Variants in ROBO2 observed in about 807,000 individuals in gnomAD.
The protein encoded by ROBO2 is roundabout homolog 2.
In ROBO2, 53 loss-of-function variants were observed where a neutral mutation model predicts 160.8. The ratio of observed to expected loss-of-function variants is 0.33; its 90% CI spans 0.26 to 0.41. The LOEUF is 0.41. ROBO2 is among the 10% of genes least tolerant of loss of function. The probability of loss-of-function intolerance (pLI) is 1.00; values close to 1 mark genes in which losing one functional copy is unlikely to be tolerated. For synonymous variants in ROBO2, 664 were observed against 611.7 expected, an observed-to-expected ratio of 1.09 and a Z score of -1.26; for missense variants, 1,577 against 1,722.4, an observed-to-expected ratio of 0.92 and a Z score of 1.49.
At position 76,803,217 on chromosome 3, in the gene ROBO2, T is replaced by C. The variant is rs190043701; in HGVS notation, c.110-294797T>C. Among the ~76,000 whole-genome samples the C allele has an allele frequency of 4.5e-4, 69 of 152,280 alleles. No homozygotes were observed. In the East Asian group the frequency reaches 0.012, roughly 27 times the overall value. On this transcript the variant is annotated intron_variant, in intron 2 of 26. Coordinates refer to the ROBO2 transcript ENST00000487694. ...AGTTGTTCATTATTCTGCTTATTTT[T>C]GAGGAATTCAGAGGAGGTCGTTAGG... is the stretch of plus-strand genomic sequence containing the variant.
At chr3:76,842,166 C>T (rs993636688) in intron 2 of ROBO2, among the ~76,000 whole-genome samples, 2 of 152,024 alleles carry the variant, frequency 1.3e-5, no homozygotes, top group African/African-American at 4.8e-5. Flanking sequence ...AGAGAAGGAT[C>T]GAGAAAAAGC....
intron 2 of ROBO2, among the ~76,000 whole-genome samples, chr3:77,208,445 G>T (rs2083696486): frequency 6.6e-6 from 1 of 152,126 alleles, no homozygotes; most frequent in Non-Finnish European, 1.5e-5. Flanking sequence ...AATAGATACA[G>T]TTACACAAGC....
At chr3:76,435,904 C>T (rs991507495) in intron 2 of ROBO2, among the ~76,000 whole-genome samples, 15 of 152,216 alleles carry the variant, frequency 9.9e-5, no homozygotes, top group South Asian at 4.1e-4. Flanking sequence ...TGTTGACAAG[C>T]GAGGCAGGGG....
intron 2 of ROBO2, among the ~76,000 whole-genome samples, chr3:76,792,444 C>T (rs561592205): frequency 9.6e-4 from 146 of 151,712 alleles, no homozygotes; most frequent in African/African-American, 3.1e-3. Flanking sequence ...GGATAGATAA[C>T]GAATACTGTA....
chr3:76,186,319 C>T (rs1248532170), intron 2 of ROBO2, among the ~76,000 whole-genome samples: 3 of 151,878 alleles, frequency 2.0e-5, no homozygotes, highest in Non-Finnish European at 4.4e-5. Context: ...AGAATTAAGC[C>T]GTGTCATAGT....
intron 2 of ROBO2, among the ~76,000 whole-genome samples, chr3:76,015,605 G>A (rs1281463107): frequency 6.6e-6 from 1 of 152,188 alleles, no homozygotes; most frequent in Non-Finnish European, 1.5e-5. Context: ...GTTCTGGTAT[G>A]GGAAGAAGAA....
At chr3:75,983,740 T>G (rs2065340851) in intron 2 of ROBO2, among the ~76,000 whole-genome samples, 1 of 151,264 alleles carries the variant, frequency 6.6e-6, no homozygotes, top group Admixed American at 6.6e-5. Context: ...CATCACAGGG[T>G]AGATATTTTG....
rs9309752 is a variant in ROBO2 at position 76,814,982 on chromosome 3, A to G, written c.110-283032A>G. Among the ~76,000 whole-genome samples the G allele has an allele frequency of 1.3e-3, 198 of 152,190 alleles. 1 individual carries two copies. The highest frequency in any genetic ancestry group is 4.6e-3 in the African/African-American group (191 of 41,570). ...CAATTCATGCATCCAAGGAGCTTAC[A>G]ATCAGGCTTTCCCTTCAGTTATGAT... On this transcript the variant is annotated intron_variant, in intron 2 of 26. Coordinates refer to the ROBO2 transcript ENST00000487694.
intron 1 of ROBO2, among the ~76,000 whole-genome samples, chr3:77,087,558 A>G (rs936663020): frequency 6.6e-6 from 1 of 152,094 alleles, no homozygotes; most frequent in African/African-American, 2.4e-5. Flanking sequence ...TCCTCACTGA[A>G]TTGTTGGAAA....
chr3:76,932,513 G>T lies in ROBO2; in HGVS notation c.110-165501G>T, dbSNP rs146331249. On this transcript the variant is annotated intron_variant, in intron 2 of 26. Coordinates refer to the ROBO2 transcript ENST00000487694. Reference sequence around the variant, plus strand: ...TATGTAATGCCTCCTCTTTTCATATGCCATGACTAGTTTTTCCCTTTTCTT... The same window carrying T: ...TATGTAATGCCTCCTCTTTTCATATTCCATGACTAGTTTTTCCCTTTTCTT... Among the ~76,000 whole-genome samples the T allele has an allele frequency of 5.4e-4, 82 of 151,972 alleles. No homozygotes were observed. In the East Asian group the frequency reaches 0.011, roughly 21 times the overall value.
At chr3:76,085,138 CACAT>C (rs1262410170) in intron 2 of ROBO2, among the ~76,000 whole-genome samples, 2 of 151,730 alleles carry the variant, frequency 1.3e-5, no homozygotes, top group African/African-American at 2.4e-5. Flanking sequence ...CACACACACA[CACAT>C]ACGTATATAC....
At chr3:77,246,551 G>A (rs1339811528) in intron 2 of ROBO2, among the ~76,000 whole-genome samples, 2 of 152,110 alleles carry the variant, frequency 1.3e-5, no homozygotes, top group Non-Finnish European at 2.9e-5. Flanking sequence ...CAAACAAAGA[G>A]AAACATGAGA....
chr3:76,107,146 AG>A (rs2069975345), intron 2 of ROBO2, among the ~76,000 whole-genome samples: 1 of 152,142 alleles, frequency 6.6e-6, no homozygotes, highest in Non-Finnish European at 1.5e-5. Flanking sequence ...TGTTATCTCC[AG>A]TTTAGAGGAA....
At chr3:77,328,811 C>G (rs2065701210) in intron 2 of ROBO2, among the ~76,000 whole-genome samples, 1 of 152,146 alleles carries the variant, frequency 6.6e-6, no homozygotes, top group Admixed American at 6.6e-5. Context: ...CTTTGGCATG[C>G]CTGTTATCCC....
chr3:77,282,973 A>G (rs549417307), intron 2 of ROBO2, among the ~76,000 whole-genome samples: 1 of 151,940 alleles, frequency 6.6e-6, no homozygotes, highest in South Asian at 2.1e-4. Context: ...AAAAAAAAAA[A>G]ATATTTGCTG....
rs181026949 is a variant in ROBO2, at chr3:77,549,410, T to C, written c.1060-1408T>C. 4.9e-3 allele frequency among the ~76,000 whole-genome samples: 749 copies of C among 152,132 alleles called. 6 individuals are homozygous for C. The highest frequency in any genetic ancestry group is 0.017 in the African/African-American group (714 of 41,532). On this transcript the variant is annotated intron_variant, in intron 7 of 25. Transcript: ENST00000461745. ...TTATTTTGATAATACATTTGGAATC[T>C]ACAGTAGAATCAGCTGATTCTCAAA...
intron 2 of ROBO2, among the ~76,000 whole-genome samples, chr3:75,966,123 A>C (rs970897475): frequency 6.6e-6 from 1 of 151,776 alleles, no homozygotes; most frequent in Non-Finnish European, 1.5e-5. Context: ...CGTCTATAGA[A>C]GTAGCCAAAT....
At chr3:76,611,905 C>T (rs528639298) in intron 2 of ROBO2, among the ~76,000 whole-genome samples, 2 of 152,228 alleles carry the variant, frequency 1.3e-5, no homozygotes, top group Middle Eastern at 3.4e-3. Flanking sequence ...CTGCTATAAA[C>T]TTTCCTCTTG....
chr3:77,477,810 G>A lies in ROBO2; in HGVS notation c.546+239G>A, dbSNP rs2084202551. 2.0e-5 allele frequency among the ~76,000 whole-genome samples: 3 copies of A among 146,900 alleles called. No homozygotes were observed. The Admixed American group carries it at 2.0e-4, about 10-fold the overall frequency. ...CCAATCTGAGTTATATCTTTACACTGCAATATTGATATTTTAGCTCTTTTT... is the reference window on the plus strand; with the variant it reads ...CCAATCTGAGTTATATCTTTACACTACAATATTGATATTTTAGCTCTTTTT... On this transcript the variant is annotated intron_variant, in intron 3 of 25. Transcript: ENST00000461745.
Sources: gnomAD v4.1 joint callset for allele counts (sites outside exome capture counted in the v4.1 genomes callset) on GRCh38, gnomAD v4.1.1 for gene constraint, MANE v1.5 for transcripts, NCBI Gene and HGNC (gene_info 2026-07-23, HGNC 2026-07-21) for gene names.